Variants in OR8G5 observed in about 807,000 individuals in gnomAD.
The protein encoded by OR8G5 is olfactory receptor 8G5.
For missense variants in OR8G5, 347 were observed against 371.9 expected, an observed-to-expected ratio of 0.93 and a Z score of 0.55; for synonymous variants, 147 against 147.7, an observed-to-expected ratio of 1.00 and a Z score of 0.03.
In OR8G5 at chr11:124,264,946, C is replaced by A; in HGVS notation, c.15C>A (p.Asn5Lys). 1 of 1,613,832 alleles carries A rather than the reference C, an allele frequency of 6.2e-7. No individual in the cohort carries two copies. Among genetic ancestry groups the A allele is most frequent in the Non-Finnish European group, 8.5e-7 (1 of 1,179,838 alleles). ...CTCATCAAAGAATGGCAGCAGAAAA[C>A]CATTCTTTTGTGACTAAGTTTATTC... MAAE[N>K]HSFVTKFILV... The change falls in exon 2 of 2, where the codon AAC becomes AAA. Residue 5 changes from asparagine to lysine, a missense_variant. Coordinates refer to ENST00000641992, the MANE Select transcript of OR8G5 (RefSeq NM_001005198.2).
At chr11:124,262,423 TAAAA>T (rs1015226182) in intron 1 of OR8G5, among the ~76,000 whole-genome samples, 3 of 151,730 alleles carry the variant, frequency 2.0e-5, no homozygotes, top group African/African-American at 7.2e-5. Context: ...TTAAGAAAAC[TAAAA>T]AGAAAGATAA....
At chr11:124,260,508 A>C (rs1203727870) in intron 1 of OR8G5, among the ~76,000 whole-genome samples, 1 of 151,906 alleles carries the variant, frequency 6.6e-6, no homozygotes, top group Non-Finnish European at 1.5e-5. Flanking sequence ...TGAACTTAAA[A>C]GTTAAAAAAA....
At chr11:124,260,150 G>T (rs1251581838) in intron 1 of OR8G5, among the ~76,000 whole-genome samples, 2 of 150,930 alleles carry the variant, frequency 1.3e-5, no homozygotes, top group Non-Finnish European at 3.0e-5. Context: ...TCAGGAATTT[G>T]TTGATATATT....
At chr11:124,263,399 C>T (rs1366012013) in intron 1 of OR8G5, among the ~76,000 whole-genome samples, 1 of 151,620 alleles carries the variant, frequency 6.6e-6, no homozygotes, top group African/African-American at 2.4e-5. Context: ...GCACAATGTG[C>T]AGGTTTGTTA....
chr11:124,266,041 TTC>T lies in OR8G5; in HGVS notation c.*179_*180del, dbSNP rs1432662420. 3.8e-6 allele frequency: 3 copies of T among 798,804 alleles called. No individual in the cohort carries two copies. Among genetic ancestry groups the T allele is most frequent in the South Asian group, 2.2e-5 (1 of 45,392 alleles). 49.5% of individuals were successfully genotyped at this position (798,804 alleles called of 1,614,324 possible). A position where few individuals can be genotyped will look rare whatever the true frequency, so the allele number is the denominator to read the frequency against. ...TTTCATGCCATTTCCCTCTCATTTT[TTC>T]TCTCATAAGGATTACGAAGACATGA... On this transcript the variant is annotated 3_prime_UTR_variant, in exon 2 of 2. Coordinates refer to ENST00000641992, the MANE Select transcript of OR8G5 (RefSeq NM_001005198.2).
At chr11:124,260,175 ATT>A (rs11287140) in intron 1 of OR8G5, among the ~76,000 whole-genome samples, 2 of 151,454 alleles carry the variant, frequency 1.3e-5, no homozygotes, top group Non-Finnish European at 1.5e-5. Context: ...ATAGTCATGC[ATT>A]TTTTTTGTCT....
At chr11:124,264,353 T>G (rs2512171) in intron 1 of OR8G5, among the ~76,000 whole-genome samples, 73,108 of 151,774 alleles carry the variant, frequency 0.48, 18,353 homozygotes, top group East Asian at 0.58. Flanking sequence ...ACAAACTGTA[T>G]AATTATGGCC....
At chr11:124,260,622 A>G (rs546606810) in intron 1 of OR8G5, among the ~76,000 whole-genome samples, 12 of 151,864 alleles carry the variant, frequency 7.9e-5, no homozygotes, top group African/African-American at 2.9e-4. Flanking sequence ...GAGAGACTTA[A>G]TATCTTTATA....
chr11:124,265,979 G>T lies in OR8G5; in HGVS notation c.*112G>T. On this transcript the variant is annotated 3_prime_UTR_variant, in exon 2 of 2. Coordinates refer to ENST00000641992, the MANE Select transcript of OR8G5 (RefSeq NM_001005198.2). ...TGTCAACATTCTTTCTAATTTGGGG[G>T]GATTTTACTGACGTTATGTCTTATG... 2 of 1,317,662 alleles carry T rather than the reference G, an allele frequency of 1.5e-6. No homozygotes were observed. The highest frequency in any genetic ancestry group is 2.0e-6 in the Non-Finnish European group (2 of 983,602). 81.6% of individuals were successfully genotyped at this position (1,317,662 alleles called of 1,614,324 possible). A position where few individuals can be genotyped will look rare whatever the true frequency, so the allele number is the denominator to read the frequency against.
At chr11:124,262,640 C>A (rs1008767013) in intron 1 of OR8G5, among the ~76,000 whole-genome samples, 1 of 150,530 alleles carries the variant, frequency 6.6e-6, no homozygotes, top group Non-Finnish European at 1.5e-5. Context: ...TTTTTAAATT[C>A]TCAATAGTAT....
rs1189884118 is a variant in OR8G5, at chr11:124,266,180, T to G, written c.*313T>G. 1.6e-5 allele frequency: 4 copies of G among 253,474 alleles called. No individual in the cohort carries two copies. The highest frequency in any genetic ancestry group is 3.0e-5 in the Non-Finnish European group (4 of 132,086). The allele number at this position is 253,474 out of a possible 1,614,324, so 15.7% of individuals were successfully genotyped here. A position where few individuals can be genotyped will look rare whatever the true frequency, so the allele number is the denominator to read the frequency against. On this transcript the variant is annotated 3_prime_UTR_variant, in exon 2 of 2. Transcript: ENST00000641992. ...TTTCATGTAATTGATTAAAACATAC[T>G]CCTCAACATAATAAAAACACTATCT...
At chr11:124,262,674 T>TACACACACACACAC (rs377046056) in intron 1 of OR8G5, among the ~76,000 whole-genome samples, 3 of 151,080 alleles carry the variant, frequency 2.0e-5, no homozygotes, top group Non-Finnish European at 3.0e-5. Flanking sequence ...TATGTACATA[T>TACACACACACACAC]ACACACACAC....
At chr11:124,262,324 A>C (rs936141576) in intron 1 of OR8G5, among the ~76,000 whole-genome samples, 1 of 151,976 alleles carries the variant, frequency 6.6e-6, no homozygotes, top group African/African-American at 2.4e-5. Flanking sequence ...CATAGCCTAC[A>C]AATATTTTTT....
chr11:124,256,825 T>G (rs2466724), intron 1 of OR8G5, among the ~76,000 whole-genome samples, 191 bp downstream of exon 1: 74,315 of 152,082 alleles, frequency 0.49, 18,799 homozygotes, highest in East Asian at 0.58. Context: ...GAAGAGAGGA[T>G]GTCTGATCCA....
At chr11:124,259,932 T>C (rs1861952551) in intron 1 of OR8G5, among the ~76,000 whole-genome samples, 1 of 152,084 alleles carries the variant, frequency 6.6e-6, no homozygotes, top group Non-Finnish European at 1.5e-5. Flanking sequence ...ACGAGCTGTA[T>C]TCTAGAAAGC....
Position 124,264,998 on chromosome 11 carries a change from C to A in OR8G5, c.67C>A (p.Leu23Ile), listed in dbSNP as rs1255198596. ...ILVGLTEKSE[L>I]QLPLFLVFLG... The stretch of plus-strand genomic sequence containing the variant: ...GGTTGGGCTAACAGAGAAGTCAGAG[C>A]TACAGCTGCCCCTCTTCCTCGTCTT... Residue 23 changes from leucine (L) to isoleucine (I), a missense_variant, in exon 2 of 2, where the codon CTA becomes ATA. Coordinates refer to ENST00000641992, the MANE Select transcript of OR8G5 (RefSeq NM_001005198.2). 3.1e-6 allele frequency: 5 copies of A among 1,613,968 alleles called. No individual in the cohort carries two copies. In the Admixed American group the frequency reaches 8.3e-5, roughly 27 times the overall value.
At position 124,265,595 on chromosome 11, in the gene OR8G5, A is replaced by G. The variant is rs1862020998; in HGVS notation, c.664A>G (p.Ile222Val). 2.5e-6 allele frequency: 4 copies of G among 1,613,738 alleles called. No homozygotes were observed. In the Admixed American group the frequency reaches 5.0e-5, roughly 20 times the overall value. ...LTILSSYIFI[I>V]ASILRIRYTE... ...CATCCTCAGCTCTTACATCTTCATC[A>G]TTGCCAGCATCCTCCGCATTCGCTA... Residue 222 changes from isoleucine to valine, a missense_variant, in exon 2 of 2, where the codon ATT (isoleucine) becomes GTT (valine). Transcript: ENST00000641992.
intron 1 of OR8G5, among the ~76,000 whole-genome samples, chr11:124,261,559 A>G (rs981872097): frequency 2.6e-5 from 4 of 151,976 alleles, no homozygotes; most frequent in African/African-American, 9.6e-5. Context: ...TACTAAAGGA[A>G]GAAATTTAAA....
Position 124,266,008 on chromosome 11 carries a change from A to G in OR8G5, c.*141A>G, listed in dbSNP as rs1358560093. On this transcript the variant is annotated 3_prime_UTR_variant, in exon 2 of 2. Coordinates refer to ENST00000641992, the MANE Select transcript of OR8G5 (RefSeq NM_001005198.2). ...TTTACTGACGTTATGTCTTATGCACATGGTCTATTTCATGCCATTTCCCTC... is the reference window on the plus strand; with the variant it reads ...TTTACTGACGTTATGTCTTATGCACGTGGTCTATTTCATGCCATTTCCCTC... 2.9e-6 allele frequency: 3 copies of G among 1,049,388 alleles called. No homozygotes were observed. The highest frequency in any genetic ancestry group is 2.6e-5 in the East Asian group (1 of 38,142). 65.0% of individuals were successfully genotyped at this position (1,049,388 alleles called of 1,614,324 possible). A position where few individuals can be genotyped will look rare whatever the true frequency, so the allele number is the denominator to read the frequency against.
Sources: allele counts gnomAD v4.1 joint callset (sites outside exome capture counted in the v4.1 genomes callset), GRCh38; gene constraint gnomAD v4.1.1; transcripts MANE v1.5; gene names NCBI Gene and HGNC (gene_info 2026-07-23, HGNC 2026-07-21).